The following AP2A1 variants were observed in gnomAD, a reference collection of about 807,000 sequenced individuals.
AP2A1 encodes the protein adaptor related protein complex 2 subunit alpha 1.
A neutral mutation model predicts 107.3 loss-of-function variants in AP2A1; 21 were observed. The ratio of observed to expected loss-of-function variants is 0.20; its 90% CI spans 0.14 to 0.28. The LOEUF (loss-of-function observed/expected upper bound fraction) is 0.28. Among genes scored for constraint, AP2A1 ranks in the 10% least tolerant of loss-of-function variants. The pLI is 1.00. For synonymous variants in AP2A1, 602 were observed against 564.8 expected, an observed-to-expected ratio of 1.07 and a Z score of -0.93; for missense variants, 873 against 1,307.7, an observed-to-expected ratio of 0.67 and a Z score of 5.13.
rs2073313158 is a variant in AP2A1 at position 49,803,095 on chromosome 19, CT to C, written c.2172-11del. The C allele has an allele frequency of 1.9e-6, 3 of 1,614,018 alleles. No homozygotes were observed. The highest frequency in any genetic ancestry group is 1.3e-5 in the African/African-American group (1 of 75,050). On this transcript the variant is annotated splice_polypyrimidine_tract_variant and intron_variant, in intron 16 of 22. Transcript: ENST00000354293. ...AGGCACCCCCGTCATCTTGCGCCCC[CT>C]GCCCCCTCAGGTTTGTGTGTAAGAA...
rs185275638 is a variant in AP2A1 at position 49,785,445 on chromosome 19, C to A, written c.473+2721C>A. On this transcript the variant is annotated intron_variant, in intron 4 of 22. Coordinates refer to ENST00000354293, the MANE Select transcript of AP2A1 (RefSeq NM_130787.3). This position sits in a 1 kb window ranked among gnomAD's most constrained non-coding sequence, Gnocchi z 4.1. The stretch of plus-strand genomic sequence containing the variant: ...GATGGCAGACCTTTCAGCAATGTGA[C>A]AAAGGCCATAGGAAAATGGGTCAGA... Among the ~76,000 whole-genome samples the A allele has an allele frequency of 6.6e-6, 1 of 152,158 alleles. No homozygotes were observed. The highest frequency in any genetic ancestry group is 2.4e-5 in the African/African-American group (1 of 41,502).
In AP2A1 at chr19:49,807,023, C is replaced by G; in HGVS notation, c.*265C>G. The G allele has an allele frequency of 6.8e-7, 1 of 1,459,986 alleles. No individual in the cohort carries two copies. Among genetic ancestry groups the G allele is most frequent in the Non-Finnish European group, 9.2e-7 (1 of 1,083,722 alleles). 90.4% of individuals were successfully genotyped at this position (1,459,986 alleles called of 1,614,324 possible). On this transcript the variant is annotated 3_prime_UTR_variant, in exon 23 of 23. Transcript: ENST00000354293. Reference sequence around the variant, plus strand: ...GGCCAGGGAAGTGGATGTCTCCTCCCCTCCCACCCCACCCTGTTGTAGCCC... The same window carrying G: ...GGCCAGGGAAGTGGATGTCTCCTCCGCTCCCACCCCACCCTGTTGTAGCCC...
At chr19:49,769,037 G>T (rs2084531564) in intron 1 of AP2A1, among the ~76,000 whole-genome samples, 1 of 152,114 alleles carries the variant, frequency 6.6e-6, no homozygotes, top group African/African-American at 2.4e-5. Flanking sequence ...ATCACCTGAG[G>T]TCAGGAGTTC....
Position 49,801,636 on chromosome 19 carries a change from CCCCCA to C in AP2A1, c.1785+25_1785+29del. 6.4e-7 allele frequency: 1 copy of C among 1,573,544 alleles called. No individual in the cohort carries two copies. Among genetic ancestry groups the C allele is most frequent in the Non-Finnish European group, 8.7e-7 (1 of 1,155,686 alleles). ...CCGACGTCCTGGTCAGAGCCCTGTC[CCCCCA>C]CCCCACCCCTCTTGCACACCCCCTT... On this transcript the variant is annotated intron_variant, in intron 13 of 22. Coordinates refer to ENST00000354293, the MANE Select transcript of AP2A1 (RefSeq NM_130787.3).
In AP2A1 at chr19:49,768,203, G is replaced by A. The variant is rs1257677418; in HGVS notation, c.67+1003G>A. 2.0e-5 allele frequency among the ~76,000 whole-genome samples: 3 copies of A among 152,058 alleles called. No individual in the cohort carries two copies. The South Asian group carries it at 6.2e-4, about 32-fold the overall frequency. Reference sequence around the variant, plus strand: ...TATTTGACCACAGTAATATGGGGACGGTGGTCCCTGCCAGGAAGAGTTGTC... The same window carrying A: ...TATTTGACCACAGTAATATGGGGACAGTGGTCCCTGCCAGGAAGAGTTGTC... On this transcript the variant is annotated intron_variant, in intron 1 of 22. Transcript: ENST00000354293.
intron 15 of AP2A1, 175 bp downstream of exon 15, chr19:49,802,316 C>T (rs2073296523): frequency 3.7e-6 from 3 of 818,284 alleles, no homozygotes; most frequent in East Asian, 5.3e-5. Flanking sequence ...TCCCTGCTCA[C>T]GCCCTCCCTC....
chr19:49,802,049 T>C lies in AP2A1; in HGVS notation c.2022T>C (p.Ala674=). ...RAAPPPAAPP[A]SAGAGNLLVD... ...CCCCTCCCCCGGCAGCACCCCCGGC[T>C]TCTGCAGGAGCAGGGAACCTTCTGG... is the stretch of plus-strand genomic sequence containing the variant. Residue 674 remains alanine, a synonymous_variant, in exon 15 of 23, where the codon GCT becomes GCC. Coordinates refer to ENST00000354293, the MANE Select transcript of AP2A1 (RefSeq NM_130787.3). The C allele has an allele frequency of 6.3e-7, 1 of 1,583,690 alleles. No individual in the cohort carries two copies. Among genetic ancestry groups the C allele is most frequent in the Non-Finnish European group, 8.5e-7 (1 of 1,169,796 alleles).
rs1384048964 is a variant in AP2A1 at position 49,805,682 on chromosome 19, C to T, written c.2490C>T (p.Ala830=). 1.9e-6 allele frequency: 3 copies of T among 1,565,124 alleles called. No homozygotes were observed. Among genetic ancestry groups the T allele is most frequent in the Middle Eastern group, 3.3e-4 (2 of 6,006 alleles). The part of the protein sequence containing the change: ...VRFRYGGAPQ[A]LTLKLPVTIN... ...TCAGGTACGGTGGCGCCCCCCAGGCCCTCACCCTGAAGCTCCCAGTGACCA... is the reference window on the plus strand; with the variant it reads ...TCAGGTACGGTGGCGCCCCCCAGGCTCTCACCCTGAAGCTCCCAGTGACCA... Residue 830 remains alanine (A), a synonymous_variant, in exon 20 of 23, where the codon GCC becomes GCT. Transcript: ENST00000354293.
At chr19:49,795,593 C>A in intron 6 of AP2A1, 37 bp from the exon 7 acceptor site, 2 of 898,326 alleles carry the variant, frequency 2.2e-6, no homozygotes, top group South Asian at 2.8e-5. Context: ...CCCCTCCCAC[C>A]CCAGCCCCCA....
chr19:49,769,167 T>C (rs1377207179), intron 1 of AP2A1, among the ~76,000 whole-genome samples: 1 of 152,068 alleles, frequency 6.6e-6, no homozygotes, highest in Non-Finnish European at 1.5e-5. Context: ...GGAGAATCGC[T>C]TGAACCCGGG....
chr19:49,799,575 C>A, intron 9 of AP2A1, 54 bp from the exon 10 acceptor site: 1 of 1,600,124 alleles, frequency 6.2e-7, no homozygotes, highest in South Asian at 1.1e-5. Flanking sequence ...GGGTGGCCAA[C>A]CCTGTGCCAA....
At chr19:49,802,516 T>C in intron 15 of AP2A1, 1 of 1,604,418 alleles carries the variant, frequency 6.2e-7, no homozygotes. Flanking sequence ...TTGTCTGCTC[T>C]GGGATTGGAT....
At chr19:49,776,838 G>A (rs1378401517) in intron 1 of AP2A1, among the ~76,000 whole-genome samples, 1 of 152,214 alleles carries the variant, frequency 6.6e-6, no homozygotes, top group Admixed American at 6.5e-5. Flanking sequence ...TTTGAAGACC[G>A]AGAGCTTTTC....
intron 1 of AP2A1, among the ~76,000 whole-genome samples, chr19:49,774,099 A>C (rs1320396607): frequency 6.6e-6 from 1 of 152,198 alleles, no homozygotes; most frequent in Non-Finnish European, 1.5e-5. Context: ...AGAGCACAGG[A>C]AGTCAAACAG....
intron 18 of AP2A1, chr19:49,804,101 T>C (rs2073328274): frequency 6.6e-6 from 1 of 152,148 alleles, no homozygotes; most frequent in African/African-American, 2.4e-5. Flanking sequence ...TGGGTGGTAG[T>C]GGCACGCGAC....
Position 49,782,411 on chromosome 19 carries a change from G to A in AP2A1, c.280-120G>A, listed in dbSNP as rs2084688242. The A allele has an allele frequency of 4.4e-6, 5 of 1,130,134 alleles. No individual in the cohort carries two copies. In the East Asian group the frequency reaches 1.0e-4, roughly 24 times the overall value. The allele number at this position is 1,130,134 out of a possible 1,614,324, so 70.0% of individuals were successfully genotyped here. The stretch of plus-strand genomic sequence containing the variant: ...TGTGGGTCTGAGGGAGGAGGGGCCT[G>A]GGGGCCTGGACTCCTGGGTCTGAGG... On this transcript the variant is annotated intron_variant, in intron 3 of 22. Transcript: ENST00000354293.
chr19:49,772,236 T>G (rs2084566610), intron 1 of AP2A1, among the ~76,000 whole-genome samples: 1 of 148,994 alleles, frequency 6.7e-6, no homozygotes, highest in African/African-American at 2.5e-5. Context: ...TTTTTTGTAT[T>G]TTTCATAGAG....
At chr19:49,772,121 G>C (rs149818653) in intron 1 of AP2A1, among the ~76,000 whole-genome samples, 1 of 151,836 alleles carries the variant, frequency 6.6e-6, no homozygotes, top group Non-Finnish European at 1.5e-5. Context: ...ACAGTGGTGC[G>C]ATCTCAGCTC....
At position 49,787,346 on chromosome 19, in the gene AP2A1, TGTTTTTTG is replaced by T. The variant is rs778616041; in HGVS notation, c.474-4588_474-4581del. On this transcript the variant is annotated intron_variant, in intron 4 of 22. Transcript: ENST00000354293. The stretch of plus-strand genomic sequence containing the variant: ...CTAGGCTTTTTTTGTTTGTTTTTTT[TGTTTTTTG>T]TTTTTTTTTTTTTGAGGCAGTCTCT... Among the ~76,000 whole-genome samples, 504 of 106,718 alleles carry T rather than the reference TGTTTTTTG, an allele frequency of 4.7e-3. 29 individuals are homozygous for T. Among genetic ancestry groups the T allele is most frequent in the Middle Eastern group, 0.014 (3 of 214 alleles). The allele number at this position is 106,718 out of a possible 152,430, so 70.0% of individuals were successfully genotyped here.
Sources: gnomAD v4.1 joint callset for allele counts (sites outside exome capture counted in the v4.1 genomes callset) on GRCh38, gnomAD v4.1.1 for gene constraint, Gnocchi (gnomAD v3.1) non-coding constraint, MANE v1.5 for transcripts, NCBI Gene and HGNC (gene_info 2026-07-23, HGNC 2026-07-21) for gene names.